The following TBX20 variants were observed in gnomAD, a reference collection of about 807,000 sequenced individuals.
The protein encoded by TBX20 is T-box transcription factor TBX20.
Under a neutral mutation model 42.9 loss-of-function variants are expected in TBX20, and 8 were observed. The observed-to-expected ratio is 0.19, with a 90% CI of 0.11 to 0.34. The LOEUF (loss-of-function observed/expected upper bound fraction) is 0.34. Ranked by LOEUF, TBX20 falls within the 10% of genes least tolerant of loss-of-function variation. The pLI is 1.00. For synonymous variants in TBX20, 198 were observed against 222.8 expected (o/e 0.89, Z 0.99); for missense variants, 411 against 566.0 (o/e 0.73, Z 2.78).
chr7:35,222,284 C>T (rs1157367491), intron 6 of TBX20, among the ~76,000 whole-genome samples: 2 of 151,924 alleles, frequency 1.3e-5, no homozygotes, highest in African/African-American at 4.8e-5. Flanking sequence ...CATTGTCTGA[C>T]ACATGGCACA....
chr7:35,251,520 T>C (rs1790305365), intron 1 of TBX20, among the ~76,000 whole-genome samples: 1 of 152,218 alleles, frequency 6.6e-6, no homozygotes, highest in African/African-American at 2.4e-5. Context: ...TTTCTACTAA[T>C]ATTTTCAGAA....
intron 6 of TBX20, among the ~76,000 whole-genome samples, chr7:35,225,748 C>A (rs1197090811): frequency 1.3e-5 from 2 of 152,162 alleles, no homozygotes; most frequent in Non-Finnish European, 2.9e-5. Context: ...CAACACGAGC[C>A]TAAGCTAAAT....
At chr7:35,226,809 C>T (rs183436334) in intron 6 of TBX20, among the ~76,000 whole-genome samples, 35 of 152,000 alleles carry the variant, frequency 2.3e-4, no homozygotes, top group Admixed American at 1.5e-3. Flanking sequence ...GGTTTGTATA[C>T]GTACTATGCT....
chr7:35,239,914 G>A (rs1790042354), intron 5 of TBX20, among the ~76,000 whole-genome samples: 1 of 151,962 alleles, frequency 6.6e-6, no homozygotes, highest in Non-Finnish European at 1.5e-5. Flanking sequence ...ACCAGGCCCA[G>A]CTAATTTTTG....
Position 35,202,683 on chromosome 7 carries a change from G to A in TBX20, c.1091C>T (p.Ser364Phe). 5 of 1,611,114 alleles carry A rather than the reference G, an allele frequency of 3.1e-6. No homozygotes were observed. Among genetic ancestry groups the A allele is most frequent in the Non-Finnish European group, 4.2e-6 (5 of 1,178,656 alleles). The change falls in exon 8 of 8, where the codon TCC (serine) becomes TTC (phenylalanine). Residue 364 changes from serine to phenylalanine, a missense_variant. By Grantham distance (155) the Ser-to-Phe change is radical (BLOSUM62 -2). This residue lies in a region of TBX20 where 162 missense variants were observed against 205.4 expected (regional missense o/e 0.79). Coordinates refer to ENST00000408931, the MANE Select transcript of TBX20 (RefSeq NM_001077653.2). ...SSFPGFQHPQ[S>F]LTALGTSTAS... ...TGTGCTGGTGCCAAGAGCAGTCAGG[G>A]ACTGTGGGTGCTGAAACCCAGGAAA...
At chr7:35,205,420 AGTC>A in intron 6 of TBX20, among the ~76,000 whole-genome samples, 1 of 152,188 alleles carries the variant, frequency 6.6e-6, no homozygotes, top group South Asian at 2.1e-4. Flanking sequence ...ATAACAGATT[AGTC>A]TGCATGGCAC....
chr7:35,211,622 C>T (rs1789497236), intron 6 of TBX20, among the ~76,000 whole-genome samples: 1 of 152,104 alleles, frequency 6.6e-6, no homozygotes, highest in South Asian at 2.1e-4. Flanking sequence ...TCAATACAGT[C>T]CTCAGCTTAT....
chr7:35,240,947 C>T lies in TBX20; in HGVS notation c.745G>A (p.Glu249Lys). 1.9e-6 allele frequency: 3 copies of T among 1,613,864 alleles called. No individual in the cohort carries two copies. Among genetic ancestry groups the T allele is most frequent in the Non-Finnish European group, 2.5e-6 (3 of 1,179,800 alleles). The change falls in exon 5 of 8, where the codon GAA becomes AAA. Residue 249 changes from glutamate (E) to lysine (K), a missense_variant. Physicochemically the swap from Glu to Lys is moderately conservative, Grantham distance 56. This residue lies in a region of TBX20 where 121 missense variants were observed against 165.9 expected (regional missense o/e 0.73). Transcript: ENST00000408931. Reference sequence around the variant, plus strand: ...GGAAAGATGAAAGTTCTAAATTCTTCAGACTTCAGGTTGAGCAATGAGGCT... The same window carrying T: ...GGAAAGATGAAAGTTCTAAATTCTTTAGACTTCAGGTTGAGCAATGAGGCT... ...HTASLLNLKS[E>K]EFRTFIFPET...
Position 35,253,660 on chromosome 7 carries a change from C to G in TBX20, c.-40G>C, listed in dbSNP as rs758358003. ...GGTCCTGGCCAGGGACGGGGTCGTC[C>G]GAACTGCCGTCCAGATTCCCCAAGG... On this transcript the variant is annotated 5_prime_UTR_variant, in exon 1 of 8. Coordinates refer to ENST00000408931, the MANE Select transcript of TBX20 (RefSeq NM_001077653.2). 1.2e-6 allele frequency: 2 copies of G among 1,600,342 alleles called. No individual in the cohort carries two copies. Among genetic ancestry groups the G allele is most frequent in the African/African-American group, 2.7e-5 (2 of 74,402 alleles).
chr7:35,248,867 G>A, intron 2 of TBX20, 26 bp from the exon 3 acceptor site: 1 of 1,612,632 alleles, frequency 6.2e-7, no homozygotes, highest in Non-Finnish European at 8.5e-7. Context: ...AGAGAGAATG[G>A]GCCCTGTTTA....
intron 6 of TBX20, among the ~76,000 whole-genome samples, chr7:35,212,188 G>T (rs889459286): frequency 6.6e-6 from 1 of 152,050 alleles, no homozygotes; most frequent in African/African-American, 2.4e-5. Context: ...CTTTTCATCT[G>T]CAGTGTCTAT....
At chr7:35,224,072 A>G (rs2128712502) in intron 6 of TBX20, among the ~76,000 whole-genome samples, 1 of 152,360 alleles carries the variant, frequency 6.6e-6, no homozygotes, top group African/African-American at 2.4e-5. Flanking sequence ...TTTGACCAAC[A>G]AACAATGGAA....
intron 5 of TBX20, among the ~76,000 whole-genome samples, chr7:35,231,783 G>A (rs1301875309): frequency 6.6e-6 from 1 of 152,192 alleles, no homozygotes; most frequent in African/African-American, 2.4e-5. Context: ...CAGAGAGGAG[G>A]TATTGAGGAC....
At chr7:35,234,045 T>C (rs1789916904) in intron 5 of TBX20, among the ~76,000 whole-genome samples, 1 of 152,212 alleles carries the variant, frequency 6.6e-6, no homozygotes, top group Non-Finnish European at 1.5e-5. Flanking sequence ...TGCCTTTAAA[T>C]AGCACATTTA....
intron 5 of TBX20, among the ~76,000 whole-genome samples, chr7:35,239,627 C>T (rs1216151535): frequency 2.0e-5 from 3 of 152,122 alleles, no homozygotes; most frequent in Non-Finnish European, 4.4e-5. Flanking sequence ...ACGCTGGGCA[C>T]AAAAGAAGAA....
intron 3 of TBX20, 27 bp downstream of exon 3, chr7:35,248,650 C>A: frequency 6.2e-7 from 1 of 1,613,366 alleles, no homozygotes; most frequent in Non-Finnish European, 8.5e-7. Context: ...TAACAGTTTT[C>A]TCAGTGAAAA....
chr7:35,246,595 A>G (rs1790192417), intron 3 of TBX20, among the ~76,000 whole-genome samples: 1 of 152,148 alleles, frequency 6.6e-6, no homozygotes, highest in Admixed American at 6.5e-5. Context: ...TTAGATCATA[A>G]GTAATATCTT....
At chr7:35,211,252 G>T (rs1789492035) in intron 6 of TBX20, among the ~76,000 whole-genome samples, 1 of 151,676 alleles carries the variant, frequency 6.6e-6, no homozygotes, top group Non-Finnish European at 1.5e-5. Flanking sequence ...TGTTTAAAAG[G>T]TTAACTATCT....
At chr7:35,222,453 C>T (rs1789699115) in intron 6 of TBX20, among the ~76,000 whole-genome samples, 1 of 152,100 alleles carries the variant, frequency 6.6e-6, no homozygotes, top group African/African-American at 2.4e-5. Context: ...TATCATAATG[C>T]TTGAAGCTGG....
Sources: gnomAD v4.1 joint callset for allele counts (sites outside exome capture counted in the v4.1 genomes callset) on GRCh38, gnomAD v4.1.1 for gene constraint, gnomAD v4.1.1 regional missense constraint, MANE v1.5 for transcripts, NCBI Gene and HGNC (gene_info 2026-07-23, HGNC 2026-07-21) for gene names.